Variants in CCDC186 observed in about 807,000 individuals in gnomAD.
The protein encoded by CCDC186 is coiled-coil domain-containing protein 186.
In CCDC186, 49 loss-of-function variants were observed where a neutral mutation model predicts 113.7. The ratio of observed to expected loss-of-function variants is 0.43; its 90% CI spans 0.34 to 0.55. CCDC186 has a LOEUF of 0.55. Ranked by LOEUF, CCDC186 falls within the 20% of genes least tolerant of loss-of-function variation. CCDC186 has a pLI of 0.02. For missense variants in CCDC186, 890 were observed against 1,011.1 expected, an observed-to-expected ratio of 0.88 and a Z score of 1.62; for synonymous variants, 355 against 345.8, an observed-to-expected ratio of 1.03 and a Z score of -0.30.
chr10:114,127,790 G>T lies in CCDC186; in HGVS notation c.2183-119C>A. On this transcript the variant is annotated intron_variant, in intron 13 of 15. Coordinates refer to ENST00000369287, the MANE Select transcript of CCDC186 (RefSeq NM_018017.4). ...CACTCTAACAGAGTTGGACACAGAA[G>T]ACAACACAGGTCAACGTGGCTGAGG... 3 of 912,028 alleles carry T rather than the reference G, an allele frequency of 3.3e-6. No homozygotes were observed. The South Asian group carries it at 5.2e-5, about 16-fold the overall frequency. The allele number at this position is 912,028 out of a possible 1,614,324, so 56.5% of individuals were successfully genotyped here.
At position 114,129,945 on chromosome 10, in the gene CCDC186, T is replaced by C. The variant is rs137984245; in HGVS notation, c.2128A>G (p.Ser710Gly). 1.6e-4 allele frequency: 262 copies of C among 1,613,480 alleles called. 1 individual carries two copies. Among genetic ancestry groups the C allele is most frequent in the Admixed American group, 2.0e-4 (12 of 59,946 alleles). Reference protein sequence around the residue: ...QARRKLDQVESGSYDKEVSSM... With the variant: ...QARRKLDQVEGGSYDKEVSSM... ...CTGACTTCTTTGTCATAGCTTCCAC[T>C]CTCAACCTGATCTAATTTTCTTCGT... Residue 710 changes from serine to glycine, a missense_variant, in exon 13 of 16, where the codon AGT (serine) becomes GGT (glycine). Physicochemically the swap from Ser to Gly is moderately conservative, Grantham distance 56. Coordinates refer to ENST00000369287, the MANE Select transcript of CCDC186 (RefSeq NM_018017.4).
At chr10:114,161,199 A>G (rs1168674219) in intron 2 of CCDC186, among the ~76,000 whole-genome samples, 2 of 152,232 alleles carry the variant, frequency 1.3e-5, no homozygotes, top group African/African-American at 4.8e-5. Context: ...CCGTATTTGA[A>G]AAAGCTCTAA....
chr10:114,159,640 C>CAAAAAAAA (rs34339225), intron 2 of CCDC186, among the ~76,000 whole-genome samples: 1 of 55,482 alleles, frequency 1.8e-5, no homozygotes, highest in Admixed American at 2.1e-4. Context: ...GACTCCGTCT[C>CAAAAAAAA]AAAAAAAAAA....
chr10:114,145,459 G>A (rs2031606163), intron 5 of CCDC186, 90 bp downstream of exon 5: 1 of 1,184,168 alleles, frequency 8.4e-7, no homozygotes, highest in Non-Finnish European at 1.2e-6. Context: ...TGTTAACCAT[G>A]TTAAATTATG....
chr10:114,129,364 G>A (rs7900188), intron 13 of CCDC186, among the ~76,000 whole-genome samples: 2,594 of 151,456 alleles, frequency 0.017, 68 homozygotes, highest in African/African-American at 0.059. Flanking sequence ...AAAGAAGGTA[G>A]GGAGACAGAT....
At chr10:114,126,599 C>T (rs999178408) in intron 14 of CCDC186, among the ~76,000 whole-genome samples, 2 of 152,280 alleles carry the variant, frequency 1.3e-5, no homozygotes, top group Admixed American at 6.5e-5. Context: ...CCTCCTGCCT[C>T]GGCCTCCGGC....
rs74390181 is a variant in CCDC186 at position 114,144,481 on chromosome 10, G to A, written c.1221+16C>T. Reference sequence around the variant, plus strand: ...AACTCATTCTAATCATTATTCCATTGTATTACAGTACGTACCTTGTGTGAA... The same window carrying A: ...AACTCATTCTAATCATTATTCCATTATATTACAGTACGTACCTTGTGTGAA... On this transcript the variant is annotated intron_variant, in intron 6 of 15. Coordinates refer to ENST00000369287, the MANE Select transcript of CCDC186 (RefSeq NM_018017.4). 7.8e-4 allele frequency: 1,255 copies of A among 1,601,692 alleles called. 11 individuals carry two copies. In the African/African-American group the frequency reaches 0.014, roughly 18 times the overall value.
At chr10:114,128,675 T>C (rs547716871) in intron 13 of CCDC186, among the ~76,000 whole-genome samples, 8 of 152,334 alleles carry the variant, frequency 5.3e-5, no homozygotes, top group African/African-American at 1.9e-4. Context: ...GTGCTTAGCA[T>C]GGTTCTTGGC....
intron 3 of CCDC186, among the ~76,000 whole-genome samples, chr10:114,156,361 G>A (rs2032009544): frequency 6.6e-6 from 1 of 152,198 alleles, no homozygotes; most frequent in Non-Finnish European, 1.5e-5. Context: ...AAAATAAAGA[G>A]CAACTCAGCT....
chr10:114,154,160 G>T, intron 3 of CCDC186, among the ~76,000 whole-genome samples: 1 of 147,610 alleles, frequency 6.8e-6, no homozygotes, highest in East Asian at 2.0e-4. Flanking sequence ...GCAGTGAACC[G>T]AGATCGCAAC....
In CCDC186 at chr10:114,125,115, T is replaced by C; in HGVS notation, c.*28A>G. ...GTGGCACCTACTCCTGTGTGGCTTT[T>C]GTCTCTTTACTGAGCAAGAGGCTTG... On this transcript the variant is annotated 3_prime_UTR_variant, in exon 16 of 16. Transcript: ENST00000369287. 4.5e-6 allele frequency: 7 copies of C among 1,547,412 alleles called. No homozygotes were observed. The highest frequency in any genetic ancestry group is 6.2e-6 in the Non-Finnish European group (7 of 1,136,154).
chr10:114,149,845 GC>G (rs1291556704), intron 4 of CCDC186, among the ~76,000 whole-genome samples: 6 of 123,324 alleles, frequency 4.9e-5, no homozygotes, highest in Non-Finnish European at 1.7e-5. Context: ...AGGAAGGCAG[GC>G]AGGCAGGCAG....
chr10:114,163,851 T>C lies in CCDC186; in HGVS notation c.-61-522A>G, dbSNP rs1326761363. Among the ~76,000 whole-genome samples, 3 of 152,206 alleles carry C rather than the reference T, an allele frequency of 2.0e-5. No individual in the cohort carries two copies. The South Asian group carries it at 6.2e-4, about 32-fold the overall frequency. Reference sequence around the variant, plus strand: ...CTAAATAACAAGACACAACTATCTATAGCCCAGAGATCTAGATTTGAGCCA... The same window carrying C: ...CTAAATAACAAGACACAACTATCTACAGCCCAGAGATCTAGATTTGAGCCA... On this transcript the variant is annotated intron_variant, in intron 1 of 15. Transcript: ENST00000369287.
At position 114,121,788 on chromosome 10, in the gene CCDC186, T is replaced by C. The variant is rs1322309787; in HGVS notation, c.*3355A>G. The C allele has an allele frequency of 1.3e-5, 2 of 152,288 alleles. No individual in the cohort carries two copies. Among genetic ancestry groups the C allele is most frequent in the Non-Finnish European group, 2.9e-5 (2 of 68,226 alleles). 9.4% of individuals were successfully genotyped at this position (152,288 alleles called of 1,614,324 possible). A position where few individuals can be genotyped will look rare whatever the true frequency, so the allele number is the denominator to read the frequency against. Reference sequence around the variant, plus strand: ...CACAGAAGCCCAAGATCTGCTCTGATTGTCTCCTAGCTATTTTCTTTCCTC... The same window carrying C: ...CACAGAAGCCCAAGATCTGCTCTGACTGTCTCCTAGCTATTTTCTTTCCTC... On this transcript the variant is annotated 3_prime_UTR_variant, in exon 16 of 16. Coordinates refer to ENST00000369287, the MANE Select transcript of CCDC186 (RefSeq NM_018017.4).
At chr10:114,162,562 T>C (rs2032204178) in intron 2 of CCDC186, 75 bp downstream of exon 2, 4 of 1,121,940 alleles carry the variant, frequency 3.6e-6, no homozygotes, top group Non-Finnish European at 3.7e-6. Flanking sequence ...AATGGTATTT[T>C]CCTTTAAAGA....
At position 114,162,807 on chromosome 10, in the gene CCDC186, C is replaced by T; in HGVS notation, c.462G>A (p.Lys154=). ...DCTKKFISKI[K]SVSASEDLLE... Reference sequence around the variant, plus strand: ...ACAAATCCTCTGATGCTGAAACGCTCTTTATTTTTGAAATAAATTTCTTGG... The same window carrying T: ...ACAAATCCTCTGATGCTGAAACGCTTTTTATTTTTGAAATAAATTTCTTGG... Residue 154 remains lysine, a synonymous_variant, in exon 2 of 16, where the codon AAG becomes AAA. Coordinates refer to ENST00000369287, the MANE Select transcript of CCDC186 (RefSeq NM_018017.4). The T allele has an allele frequency of 6.2e-7, 1 of 1,613,742 alleles. No individual in the cohort carries two copies. The highest frequency in any genetic ancestry group is 8.5e-7 in the Non-Finnish European group (1 of 1,179,888).
intron 1 of CCDC186, among the ~76,000 whole-genome samples, chr10:114,172,807 G>A (rs1015897526): frequency 6.6e-6 from 1 of 152,134 alleles, no homozygotes; most frequent in Admixed American, 6.5e-5. Context: ...TGTAATGTTG[G>A]ATAAAGAATT....
intron 6 of CCDC186, among the ~76,000 whole-genome samples, chr10:114,143,803 C>G (rs114042343): frequency 3.2e-4 from 48 of 152,270 alleles, no homozygotes; most frequent in Admixed American, 2.9e-3. Context: ...CTGATATTTT[C>G]ATAAACTTAC....
chr10:114,155,272 T>C (rs578194716), intron 3 of CCDC186, among the ~76,000 whole-genome samples: 8 of 152,356 alleles, frequency 5.3e-5, no homozygotes, highest in Non-Finnish European at 1.0e-4. Context: ...CTAAATCTTA[T>C]AGTACACATA....
Sources: gnomAD v4.1 joint callset for allele counts (sites outside exome capture counted in the v4.1 genomes callset) on GRCh38, gnomAD v4.1.1 for gene constraint, MANE v1.5 for transcripts, NCBI Gene and HGNC (gene_info 2026-07-23, HGNC 2026-07-21) for gene names.